The following TBC1D1 variants were observed in gnomAD, a reference collection of about 807,000 sequenced individuals.
TBC1D1 encodes TBC1 domain family member 1.
Under a neutral mutation model 125.6 loss-of-function variants are expected in TBC1D1, and 89 were observed. The observed-to-expected ratio is 0.71, with a 90% confidence interval of 0.60 to 0.85. TBC1D1 has a LOEUF of 0.85. TBC1D1 is among the 40% of genes least tolerant of loss of function. The pLI, the probability that TBC1D1 is intolerant of heterozygous loss-of-function variation, is 0.00. For synonymous variants in TBC1D1, 565 were observed against 564.1 expected, an observed-to-expected ratio of 1.00 and a Z score of -0.02; for missense variants, 1,377 against 1,469.2, an observed-to-expected ratio of 0.94 and a Z score of 1.03.
chr4:38,034,523 G>A (rs1418899092), intron 7 of TBC1D1, among the ~76,000 whole-genome samples: 2 of 152,314 alleles, frequency 1.3e-5, no homozygotes, highest in East Asian at 1.9e-4. Context: ...GAAAGTCTGG[G>A]TTAGTGTTAC....
At chr4:37,952,952 TTTGA>T (rs1375973924) in intron 2 of TBC1D1, 1 of 152,214 alleles carries the variant, frequency 6.6e-6, no homozygotes, top group African/African-American at 2.4e-5. Flanking sequence ...AATCAAGACA[TTTGA>T]TTGATGATGT....
At position 38,133,078 on chromosome 4, in the gene TBC1D1, T is replaced by A. The variant is rs372190938; in HGVS notation, c.3133-6T>A. 1.2e-6 allele frequency: 2 copies of A among 1,607,844 alleles called. No individual in the cohort carries two copies. Among genetic ancestry groups the A allele is most frequent in the Non-Finnish European group, 1.7e-6 (2 of 1,177,784 alleles). Reference sequence around the variant, plus strand: ...TAGTACGTGATGACTTTTCTTTCTATAACAGGTATTTGAAATGGACATCGC... The same window carrying A: ...TAGTACGTGATGACTTTTCTTTCTAAAACAGGTATTTGAAATGGACATCGC... On this transcript the variant is annotated splice_polypyrimidine_tract_variant and splice_region_variant and intron_variant, in intron 18 of 19. Coordinates refer to ENST00000261439, the MANE Select transcript of TBC1D1 (RefSeq NM_015173.4).
At chr4:37,985,986 C>G (rs990971760) in intron 2 of TBC1D1, among the ~76,000 whole-genome samples, 3 of 152,212 alleles carry the variant, frequency 2.0e-5, no homozygotes, top group African/African-American at 7.2e-5. Context: ...CAGAATGATT[C>G]AAGGTTGCTT....
At chr4:38,011,085 C>T (rs1446294027) in intron 2 of TBC1D1, among the ~76,000 whole-genome samples, 5 of 152,168 alleles carry the variant, frequency 3.3e-5, no homozygotes, top group Non-Finnish European at 7.4e-5. Flanking sequence ...GGCACAGTGG[C>T]TCACGCCTGT....
In TBC1D1 at chr4:38,096,346, C is replaced by T. The variant is rs78759734; in HGVS notation, c.2398+256C>T. On this transcript the variant is annotated intron_variant, in intron 14 of 19. Coordinates refer to ENST00000261439, the MANE Select transcript of TBC1D1 (RefSeq NM_015173.4). ...ACCCAAGGGTTTTGTTGCCTATAAA[C>T]TAGATAATGATTTGATGATATACTT... is the stretch of plus-strand genomic sequence containing the variant. Among the ~76,000 whole-genome samples the T allele has an allele frequency of 8.6e-3, 1,312 of 152,264 alleles. 20 individuals are homozygous for T. Among genetic ancestry groups the T allele is most frequent in the African/African-American group, 0.03 (1,248 of 41,542 alleles).
intron 2 of TBC1D1, among the ~76,000 whole-genome samples, chr4:37,963,407 A>C (rs1225388672): frequency 8.6e-6 from 1 of 116,188 alleles, no homozygotes. Flanking sequence ...GGGGTGAGGG[A>C]GGGGGGAGGT....
At chr4:37,903,005 TAAG>T (rs140397266) in intron 2 of TBC1D1, among the ~76,000 whole-genome samples, 2,505 of 152,358 alleles carry the variant, frequency 0.016, 48 homozygotes, top group South Asian at 0.05. Flanking sequence ...GTAATCCTAT[TAAG>T]AAAAATATAG....
chr4:38,133,317 A>T (rs959696243), intron 19 of TBC1D1, 60 bp downstream of exon 21: 1 of 1,495,372 alleles, frequency 6.7e-7, no homozygotes, highest in African/African-American at 1.4e-5. Context: ...TCATTAACTC[A>T]CCAAAGGCAA....
chr4:37,917,442 T>TC (rs1719979588), intron 2 of TBC1D1, among the ~76,000 whole-genome samples: 1 of 152,164 alleles, frequency 6.6e-6, no homozygotes, highest in Admixed American at 6.5e-5. Context: ...GTCATTGCAC[T>TC]CCAGCCTAGG....
rs991855438 is a variant in TBC1D1 at position 38,014,454 on chromosome 4, C to T, written c.418-55C>T. On this transcript the variant is annotated intron_variant, in intron 2 of 19. Coordinates refer to ENST00000261439, the MANE Select transcript of TBC1D1 (RefSeq NM_015173.4). This position sits in a 1 kb window ranked among gnomAD's most constrained non-coding sequence, Gnocchi z 5.1. ...CCGAAAGAGCATGGTGCATTCATTC[C>T]GTGAGTGCCAGCCACACTGCATGTT... 16 of 1,547,862 alleles carry T rather than the reference C, an allele frequency of 1.0e-5. No homozygotes were observed. In the African/African-American group the frequency reaches 2.0e-4, roughly 20 times the overall value.
rs143890265 is a variant in TBC1D1, at chr4:37,972,413, G to A, written c.418-42096G>A. Among the ~76,000 whole-genome samples the A allele has an allele frequency of 7.7e-3, 1,162 of 151,486 alleles. 7 individuals are homozygous for A. Among genetic ancestry groups the A allele is most frequent in the Middle Eastern group, 0.044 (13 of 294 alleles). On this transcript the variant is annotated intron_variant, in intron 2 of 19. Transcript: ENST00000261439. ...TGAGAATCACTTGAACCCAGGAGGC[G>A]GAGGTTGTGGTTAGCTGAGATCGTG...
At chr4:38,110,501 GA>G in intron 15 of TBC1D1, 1 of 985,444 alleles carries the variant, frequency 1.0e-6, no homozygotes, top group Non-Finnish European at 1.2e-6. Flanking sequence ...AGCACTTCAT[GA>G]AGAGGAATTA....
chr4:37,891,801 T>C (rs1713390252), intron 1 of TBC1D1, among the ~76,000 whole-genome samples: 1 of 151,882 alleles, frequency 6.6e-6, no homozygotes, highest in South Asian at 2.1e-4. Context: ...GCAACATTTC[T>C]TTCTATGGGT....
At chr4:38,051,691 G>A (rs557673655) in intron 11 of TBC1D1, among the ~76,000 whole-genome samples, 8 of 152,198 alleles carry the variant, frequency 5.3e-5, no homozygotes, top group South Asian at 2.1e-4. Flanking sequence ...AAGAACGGCC[G>A]TCAATATACT....
chr4:37,966,632 T>C lies in TBC1D1; in HGVS notation c.418-47877T>C, dbSNP rs6836055. Among the ~76,000 whole-genome samples, 194 of 152,344 alleles carry C rather than the reference T, an allele frequency of 1.3e-3. 1 individual carries two copies. The highest frequency in any genetic ancestry group is 4.4e-3 in the African/African-American group (182 of 41,564). ...TTGCTAAGTATACAGACACCTTTTA[T>C]CTTTTTTTAATTATTATACTTTAAG... On this transcript the variant is annotated intron_variant, in intron 2 of 19. Transcript: ENST00000261439.
At chr4:37,898,317 G>T (rs1715080354) in intron 1 of TBC1D1, among the ~76,000 whole-genome samples, 1 of 151,820 alleles carries the variant, frequency 6.6e-6, no homozygotes, top group African/African-American at 2.4e-5. Context: ...AAAAAGAGGT[G>T]GTAGTTGCTT....
At chr4:38,004,123 C>T (rs1377526724) in intron 2 of TBC1D1, among the ~76,000 whole-genome samples, 1 of 152,206 alleles carries the variant, frequency 6.6e-6, no homozygotes. Context: ...CAGAGTTCCC[C>T]ATAGGTTCTG....
chr4:37,931,917 A>C (rs572745384), intron 2 of TBC1D1, among the ~76,000 whole-genome samples: 1 of 152,376 alleles, frequency 6.6e-6, no homozygotes, highest in Admixed American at 6.5e-5. Flanking sequence ...AACTGAGCAG[A>C]ATAGAGAAAT....
intron 1 of TBC1D1, among the ~76,000 whole-genome samples, chr4:37,891,667 C>A (rs1713343089): frequency 6.8e-6 from 1 of 146,042 alleles, no homozygotes. Flanking sequence ...CCCCTCCCGC[C>A]AATTATCCTA....
Sources: gnomAD v4.1 joint callset for allele counts (sites outside exome capture counted in the v4.1 genomes callset) on GRCh38, gnomAD v4.1.1 for gene constraint, Gnocchi (gnomAD v3.1) non-coding constraint, MANE v1.5 for transcripts, NCBI Gene and HGNC (gene_info 2026-07-23, HGNC 2026-07-21) for gene names.